SAXO1: variants seen among roughly 807,000 people sequenced by gnomAD.
SAXO1 encodes stabilizer of axonemal microtubules 1.
Under a neutral mutation model 17.5 loss-of-function variants are expected in SAXO1, and 21 were observed. That is an observed-to-expected ratio of 1.20 (90% CI 0.85 to 1.72). SAXO1 has a LOEUF of 1.72. Ranked by LOEUF, SAXO1 falls within the 40% of genes most tolerant of loss-of-function variation. The probability of loss-of-function intolerance (pLI) is 0.00; values close to 1 mark genes in which losing one functional copy is unlikely to be tolerated. For synonymous variants in SAXO1, 274 were observed against 216.5 expected, an observed-to-expected ratio of 1.27 and a Z score of -2.33; for missense variants, 843 against 596.0, an observed-to-expected ratio of 1.41 and a Z score of -4.32.
At chr9:19,031,339 T>C (rs980573907) in intron 1 of SAXO1, among the ~76,000 whole-genome samples, 4 of 152,032 alleles carry the variant, frequency 2.6e-5, no homozygotes, top group African/African-American at 9.7e-5. Flanking sequence ...AGGCAGGCGA[T>C]CACCTGAGAT....
chr9:18,935,940 G>A lies in SAXO1; in HGVS notation c.421+5697C>T, dbSNP rs73427236. ...GAAACAGCAGGGGTGGGGATGGGGT[G>A]ATGGAAGCAGCCCCAGAATAAAACA... On this transcript the variant is annotated intron_variant, in intron 3 of 3. Transcript: ENST00000380534. Among the ~76,000 whole-genome samples the A allele has an allele frequency of 2.6e-5, 4 of 152,162 alleles. No individual in the cohort carries two copies. In the South Asian group the frequency reaches 8.3e-4, roughly 32 times the overall value.
intron 1 of SAXO1, among the ~76,000 whole-genome samples, chr9:18,958,230 C>G (rs961873091): frequency 6.6e-6 from 1 of 152,130 alleles, no homozygotes; most frequent in African/African-American, 2.4e-5. Flanking sequence ...TCGAGACTAG[C>G]TTGGCCAACA....
At chr9:18,957,937 G>A (rs1002930597) in intron 1 of SAXO1, among the ~76,000 whole-genome samples, 3 of 152,132 alleles carry the variant, frequency 2.0e-5, no homozygotes, top group Non-Finnish European at 4.4e-5. Flanking sequence ...AGAGGCCAAA[G>A]GACAAGTAAA....
intron 1 of SAXO1, among the ~76,000 whole-genome samples, chr9:19,026,626 C>G (rs1835482394): frequency 6.6e-6 from 1 of 152,170 alleles, no homozygotes; most frequent in African/African-American, 2.4e-5. Context: ...AATCGAATTT[C>G]CAAACTAAGC....
At chr9:19,038,715 C>T (rs770263632) in intron 1 of SAXO1, among the ~76,000 whole-genome samples, 1 of 151,284 alleles carries the variant, frequency 6.6e-6, no homozygotes, top group Non-Finnish European at 1.5e-5. Flanking sequence ...ATGTAACTAA[C>T]CTGCACATTG....
chr9:18,988,020 G>A (rs879261609), intron 1 of SAXO1, among the ~76,000 whole-genome samples: 1 of 152,150 alleles, frequency 6.6e-6, no homozygotes, highest in Non-Finnish European at 1.5e-5. Context: ...TTCCCTTCAA[G>A]GGTAATCCCA....
At chr9:19,014,803 A>G (rs1330468766) in intron 1 of SAXO1, among the ~76,000 whole-genome samples, 1 of 152,198 alleles carries the variant, frequency 6.6e-6, no homozygotes, top group African/African-American at 2.4e-5. Flanking sequence ...ATCCAACCAT[A>G]GAGGCTCTAC....
intron 1 of SAXO1, among the ~76,000 whole-genome samples, chr9:18,970,594 C>T (rs939949169): frequency 2.0e-5 from 3 of 152,206 alleles, no homozygotes; most frequent in African/African-American, 4.8e-5. Context: ...TCTATCTACA[C>T]GCATATGAGA....
Position 19,032,947 on chromosome 9 carries a change from C to T in SAXO1, c.-39G>A, listed in dbSNP as rs771896680. 6.3e-6 allele frequency: 10 copies of T among 1,592,076 alleles called. No individual in the cohort carries two copies. The highest frequency in any genetic ancestry group is 3.4e-5 in the Admixed American group (2 of 58,314). On this transcript the variant is annotated 5_prime_UTR_variant, in exon 1 of 4. Coordinates refer to ENST00000380534, the MANE Select transcript of SAXO1 (RefSeq NM_153707.4). ...AGGCCCTGACGTCCCCTCAGAGCATCGCCAGCTGCAGCCGACTCCTAGACC... is the reference window on the plus strand; with the variant it reads ...AGGCCCTGACGTCCCCTCAGAGCATTGCCAGCTGCAGCCGACTCCTAGACC...
intron 1 of SAXO1, among the ~76,000 whole-genome samples, chr9:18,967,577 T>C (rs567911705): frequency 3.3e-5 from 5 of 152,298 alleles, no homozygotes; most frequent in East Asian, 1.9e-4. Flanking sequence ...GCCTCAGTAA[T>C]AGTGGATGCC....
intron 1 of SAXO1, among the ~76,000 whole-genome samples, chr9:18,991,109 C>T (rs10811080): frequency 0.56 from 84,990 of 151,736 alleles, 24,284 homozygotes; most frequent in Non-Finnish European, 0.63. Flanking sequence ...AACACAAAAA[C>T]TAGACATGCA....
At chr9:18,938,830 G>GTGTA (rs1554667869) in intron 3 of SAXO1, among the ~76,000 whole-genome samples, 5 of 147,764 alleles carry the variant, frequency 3.4e-5, no homozygotes, top group Admixed American at 6.7e-5. Context: ...GCGTGTGTGT[G>GTGTA]TGTGTGTGTG....
intron 3 of SAXO1, among the ~76,000 whole-genome samples, chr9:18,938,823 T>TGCGTGC (rs1360798248): frequency 1.1e-4 from 7 of 63,640 alleles, no homozygotes; most frequent in Admixed American, 1.1e-3. Flanking sequence ...CGTGCGTGCG[T>TGCGTGC]GTGTGTGTGT....
intron 1 of SAXO1, among the ~76,000 whole-genome samples, chr9:18,964,503 G>C: frequency 6.6e-6 from 1 of 152,172 alleles, no homozygotes; most frequent in African/African-American, 2.4e-5. Context: ...AGTCTTAGGA[G>C]AATGTATGTT....
chr9:18,990,165 G>T (rs543105078), intron 1 of SAXO1, among the ~76,000 whole-genome samples: 1 of 103,194 alleles, frequency 9.7e-6, no homozygotes, highest in Non-Finnish European at 2.6e-5. Context: ...CAGGAGTCAT[G>T]GACTTTTTTT....
At chr9:18,951,966 A>AC in intron 1 of SAXO1, among the ~76,000 whole-genome samples, 1 of 152,374 alleles carries the variant, frequency 6.6e-6, no homozygotes, top group Non-Finnish European at 1.5e-5. Context: ...TAAACTTTAT[A>AC]CCTAGTGATG....
At chr9:18,989,787 G>T (rs757039907) in intron 1 of SAXO1, among the ~76,000 whole-genome samples, 25 of 152,252 alleles carry the variant, frequency 1.6e-4, no homozygotes, top group Non-Finnish European at 2.5e-4. Flanking sequence ...AGCTTTTCAT[G>T]GTGTACAACT....
At chr9:18,931,519 T>C (rs1268703550) in intron 3 of SAXO1, among the ~76,000 whole-genome samples, 4 of 152,244 alleles carry the variant, frequency 2.6e-5, no homozygotes, top group Admixed American at 2.0e-4. Flanking sequence ...TTCTCTTGGG[T>C]AGATAATAAA....
At chr9:18,963,755 T>C (rs990114321) in intron 1 of SAXO1, among the ~76,000 whole-genome samples, 3 of 152,192 alleles carry the variant, frequency 2.0e-5, no homozygotes, top group Non-Finnish European at 4.4e-5. Flanking sequence ...CAATTTGACT[T>C]CCTCTCTCCT....
Sources: gnomAD v4.1 joint callset for allele counts (sites outside exome capture counted in the v4.1 genomes callset) on GRCh38, gnomAD v4.1.1 for gene constraint, MANE v1.5 for transcripts, NCBI Gene and HGNC (gene_info 2026-07-23, HGNC 2026-07-21) for gene names.